TMEM94: variants seen among roughly 807,000 people sequenced by gnomAD.
TMEM94 encodes transmembrane protein 94.
TMEM94 carries 81 observed loss-of-function variants against 158.6 expected under a neutral mutation model. That is an observed-to-expected ratio of 0.51 (90% CI 0.43 to 0.61). TMEM94 has a LOEUF of 0.61. TMEM94 is among the 20% of genes least tolerant of loss of function. TMEM94 has a pLI of 0.00. For missense variants in TMEM94, 1,435 were observed against 1,762.0 expected, an observed-to-expected ratio of 0.81 and a Z score of 3.32; for synonymous variants, 751 against 730.7, an observed-to-expected ratio of 1.03 and a Z score of -0.45.
chr17:75,465,842 A>G (rs2146131142), intron 1 of TMEM94, among the ~76,000 whole-genome samples: 2 of 151,658 alleles, frequency 1.3e-5, no homozygotes, highest in East Asian at 3.9e-4. Flanking sequence ...CCCAACGTCA[A>G]TTTTTTTATG....
At position 75,498,902 on chromosome 17, in the gene TMEM94, C is replaced by A; in HGVS notation, c.3828-10C>A. The A allele has an allele frequency of 6.5e-7, 1 of 1,537,474 alleles. No individual in the cohort carries two copies. The highest frequency in any genetic ancestry group is 1.2e-5 in the South Asian group (1 of 80,948). ...GTGTCGGGTTCACACGGGGCCGCCA[C>A]CTCCTGCAGGCTGCTGGGTCAGGTG... is the stretch of plus-strand genomic sequence containing the variant. On this transcript the variant is annotated splice_polypyrimidine_tract_variant and intron_variant, in intron 30 of 31. Transcript: ENST00000314256. This position sits in a 1 kb window ranked among gnomAD's most constrained non-coding sequence, Gnocchi z 6.7.
At chr17:75,479,948 T>A (rs891123367) in intron 2 of TMEM94, among the ~76,000 whole-genome samples, 1 of 151,768 alleles carries the variant, frequency 6.6e-6, no homozygotes, top group Non-Finnish European at 1.5e-5. Context: ...CTATCTGGGC[T>A]TGGTGGTACA....
chr17:75,488,387 C>T (rs2051815729), intron 6 of TMEM94, among the ~76,000 whole-genome samples: 1 of 152,210 alleles, frequency 6.6e-6, no homozygotes, highest in African/African-American at 2.4e-5. Context: ...AGCGATTCTC[C>T]CACCTCAGCC....
chr17:75,482,206 C>T (rs913648144), intron 2 of TMEM94, among the ~76,000 whole-genome samples: 1 of 151,992 alleles, frequency 6.6e-6, no homozygotes, highest in East Asian at 1.9e-4. Context: ...ATTAGCCGGG[C>T]GTGGCAGCAT....
Position 75,493,101 on chromosome 17 carries a change from C to T in TMEM94, c.2085C>T (p.Thr695=). 6.2e-7 allele frequency: 1 copy of T among 1,612,732 alleles called. No individual in the cohort carries two copies. Among genetic ancestry groups the T allele is most frequent in the Non-Finnish European group, 8.5e-7 (1 of 1,179,702 alleles). The part of the protein sequence containing the change: ...MISLFIKDTT[T]STEQMLSHGT... Reference sequence around the variant, plus strand: ...GCCTCTTCATTAAAGACACCACCACCAGTGAGCCCTGGCTACGTTGGCCAG... The same window carrying T: ...GCCTCTTCATTAAAGACACCACCACTAGTGAGCCCTGGCTACGTTGGCCAG... The change falls in exon 16 of 32, where the codon ACC becomes ACT. Residue 695 remains threonine (T), a splice_region_variant and synonymous_variant. Coordinates refer to ENST00000314256, the MANE Select transcript of TMEM94 (RefSeq NM_014738.6).
At chr17:75,477,967 C>T (rs1477328503) in intron 2 of TMEM94, among the ~76,000 whole-genome samples, 1 of 144,396 alleles carries the variant, frequency 6.9e-6, no homozygotes, top group Non-Finnish European at 1.5e-5. Context: ...CATAGCACCA[C>T]TGCACTCCAG....
chr17:75,464,664 C>CTTTCTTTCT (rs1567906910), intron 1 of TMEM94, among the ~76,000 whole-genome samples: 1 of 107,876 alleles, frequency 9.3e-6, no homozygotes, highest in African/African-American at 4.3e-5. Flanking sequence ...TCCTTCCTTC[C>CTTTCTTTCT]TTCCTTCCTT....
At chr17:75,483,775 C>A (rs2051361525) in intron 2 of TMEM94, among the ~76,000 whole-genome samples, 1 of 151,988 alleles carries the variant, frequency 6.6e-6, no homozygotes, top group Non-Finnish European at 1.5e-5. Flanking sequence ...GGTTTTTGGA[C>A]ACATTGACTC....
rs1304047977 is a variant in TMEM94 at position 75,482,485 on chromosome 17, CAGCAGAGCAAGA to C, written c.25-2942_25-2931del. Among the ~76,000 whole-genome samples the C allele has an allele frequency of 1.0e-3, 155 of 152,192 alleles. 3 individuals carry two copies. The South Asian group carries it at 0.021, about 21-fold the overall frequency. ...CCCACGCCACTGCATCCAGCCTGGG[CAGCAGAGCAAGA>C]CCCTGTCTCAATTTAAAAATATATA... On this transcript the variant is annotated intron_variant, in intron 2 of 31. Coordinates refer to ENST00000314256, the MANE Select transcript of TMEM94 (RefSeq NM_014738.6).
chr17:75,485,999 G>A lies in TMEM94; in HGVS notation c.272+1G>A, dbSNP rs1263377244. On this transcript the variant is annotated splice_donor_variant, in intron 4 of 31. Coordinates refer to ENST00000314256, the MANE Select transcript of TMEM94 (RefSeq NM_014738.6). LOFTEE classifies it high-confidence loss of function. This position sits in a 1 kb window ranked among gnomAD's most constrained non-coding sequence, Gnocchi z 5.5. ...GCTGCGGGGGACAGCCAGCCGGGAG[G>A]TGTGCGCCCAGGGGCTGCTCCCCAA... 17 of 1,598,760 alleles carry A rather than the reference G, an allele frequency of 1.1e-5. No individual in the cohort carries two copies. Among genetic ancestry groups the A allele is most frequent in the Admixed American group, 1.7e-5 (1 of 58,766 alleles).
Position 75,471,948 on chromosome 17 carries a change from C to G in TMEM94, c.24+19C>G. 6.2e-7 allele frequency: 1 copy of G among 1,610,580 alleles called. No homozygotes were observed. Among genetic ancestry groups the G allele is most frequent in the Non-Finnish European group, 8.5e-7 (1 of 1,176,860 alleles). On this transcript the variant is annotated intron_variant, in intron 2 of 31. Transcript: ENST00000314256. ...GCACCTGGTAGGCCATATCCTATTA[C>G]CTTATAGGTATTGTCTGTGTGTCTC...
intron 1 of TMEM94, among the ~76,000 whole-genome samples, chr17:75,462,333 G>A (rs769979958): frequency 9.2e-5 from 14 of 151,968 alleles, no homozygotes; most frequent in African/African-American, 1.7e-4. Flanking sequence ...GAGCCACTGC[G>A]CCTGGCCTGA....
Position 75,491,034 on chromosome 17 carries a change from C to T in TMEM94, c.1129-15C>T. 6.3e-7 allele frequency: 1 copy of T among 1,591,874 alleles called. No individual in the cohort carries two copies. The highest frequency in any genetic ancestry group is 1.1e-5 in the South Asian group (1 of 88,122). On this transcript the variant is annotated splice_polypyrimidine_tract_variant and intron_variant, in intron 11 of 31. Coordinates refer to ENST00000314256, the MANE Select transcript of TMEM94 (RefSeq NM_014738.6). This position sits in a 1 kb window ranked among gnomAD's most constrained non-coding sequence, Gnocchi z 5.1. Reference sequence around the variant, plus strand: ...GAGCCCTAAATGGCCTTGCAGACTTCCTCTCTCCCACCAGGAAATGCTGCG... The same window carrying T: ...GAGCCCTAAATGGCCTTGCAGACTTTCTCTCTCCCACCAGGAAATGCTGCG...
At chr17:75,476,336 GC>G (rs2050689755) in intron 2 of TMEM94, among the ~76,000 whole-genome samples, 1 of 152,116 alleles carries the variant, frequency 6.6e-6, no homozygotes, top group African/African-American at 2.4e-5. Context: ...TGAAGAACAG[GC>G]CAAGCTCCTG....
intron 2 of TMEM94, among the ~76,000 whole-genome samples, chr17:75,484,296 G>GTCCCTCCCTCCCTCCCTCCCAACC (rs2051403549): frequency 6.7e-6 from 1 of 148,930 alleles, no homozygotes; most frequent in African/African-American, 2.5e-5. Flanking sequence ...CCTTTCTTCC[G>GTCCCTCCCTCCCTCCCTCCCAACC]TCCCTCCCTC....
chr17:75,466,115 T>C (rs2050300674), intron 1 of TMEM94, among the ~76,000 whole-genome samples: 1 of 152,144 alleles, frequency 6.6e-6, no homozygotes, highest in Non-Finnish European at 1.5e-5. Flanking sequence ...TTATGTTTTT[T>C]ATGTTTTAAG....
chr17:75,458,527 A>G (rs2049961362), intron 1 of TMEM94, among the ~76,000 whole-genome samples: 1 of 151,604 alleles, frequency 6.6e-6, no homozygotes, highest in Non-Finnish European at 1.5e-5. Flanking sequence ...CACACTGACA[A>G]GAAAACCAAA....
Position 75,492,289 on chromosome 17 carries a change from G to A in TMEM94, c.1597-185G>A. ...TAATAGTCCATAGAAGCAGACAGGA[G>A]CCCAAGAAGGACAGGAAGCGGATTT... On this transcript the variant is annotated intron_variant, in intron 14 of 31. Transcript: ENST00000314256. The surrounding 1 kb of genome is among the most constrained non-coding windows in gnomAD (Gnocchi z 4.4). The A allele has an allele frequency of 7.0e-7, 1 of 1,427,686 alleles. No individual in the cohort carries two copies. The highest frequency in any genetic ancestry group is 1.5e-5 in the South Asian group (1 of 65,060). The allele number at this position is 1,427,686 out of a possible 1,614,324, so 88.4% of individuals were successfully genotyped here.
chr17:75,491,420 G>C lies in TMEM94; in HGVS notation c.1351G>C (p.Asp451His). 1 of 1,614,140 alleles carries C rather than the reference G, an allele frequency of 6.2e-7. No homozygotes were observed. Among genetic ancestry groups the C allele is most frequent in the South Asian group, 1.1e-5 (1 of 91,090 alleles). ...TCACAGCAGCCATGAGGACCTCACC[G>C]ATGGCCTATCCACCCGCTCCTTCTG... ...PPHSSHEDLT[D>H]GLSTRSFCHP... The change falls in exon 13 of 32, where the codon GAT becomes CAT. Residue 451 changes from aspartate to histidine, a missense_variant. Asp to His is a moderately conservative substitution (Grantham distance 81, BLOSUM62 -1). Around this residue, in one of 3 missense-constraint regions of TMEM94, gnomAD observed 1,051 missense variants for 1,254.4 expected, o/e 0.84. Coordinates refer to ENST00000314256, the MANE Select transcript of TMEM94 (RefSeq NM_014738.6). This position sits in a 1 kb window ranked among gnomAD's most constrained non-coding sequence, Gnocchi z 5.1.
Sources: allele counts gnomAD v4.1 joint callset (sites outside exome capture counted in the v4.1 genomes callset), GRCh38; gene constraint gnomAD v4.1.1; regional missense constraint gnomAD v4.1.1; non-coding constraint Gnocchi (gnomAD v3.1); transcripts MANE v1.5; gene names NCBI Gene and HGNC (gene_info 2026-07-23, HGNC 2026-07-21).